The following LAMA3 variants were observed in gnomAD, a reference collection of about 807,000 sequenced individuals.
LAMA3 encodes laminin subunit alpha-3.
Under a neutral mutation model 402.0 loss-of-function variants are expected in LAMA3, and 281 were observed. That is an observed-to-expected ratio of 0.70 (90% CI 0.63 to 0.77). The LOEUF (loss-of-function observed/expected upper bound fraction) is 0.77. Among genes scored for constraint, LAMA3 ranks in the 30% least tolerant of loss-of-function variants. The pLI, the probability that LAMA3 is intolerant of heterozygous loss-of-function variation, is 0.00. For synonymous variants in LAMA3, 1,431 were observed against 1,558.4 expected (o/e 0.92, Z 1.93); for missense variants, 3,840 against 4,215.5 (o/e 0.91, Z 2.47).
chr18:23,858,607 T>G, intron 33 of LAMA3, 82 bp from the exon 34 acceptor site: 1 of 1,218,056 alleles, frequency 8.2e-7, no homozygotes, highest in Non-Finnish European at 1.2e-6. Context: ...CTTGTGTTGG[T>G]ATTTAATTTG....
chr18:23,720,057 C>T (rs1199550470), intron 2 of LAMA3, among the ~76,000 whole-genome samples: 1 of 152,202 alleles, frequency 6.6e-6, no homozygotes, highest in Non-Finnish European at 1.5e-5. Context: ...CAGTGTTTAG[C>T]ATACAATAGT....
At chr18:23,807,067 C>T (rs762440895) in intron 12 of LAMA3, among the ~76,000 whole-genome samples, 65 of 152,174 alleles carry the variant, frequency 4.3e-4, no homozygotes, top group Non-Finnish European at 6.5e-4. Flanking sequence ...CACATCACAC[C>T]GATGACTATC....
At chr18:23,850,899 G>A (rs7236271) in intron 32 of LAMA3, among the ~76,000 whole-genome samples, 24,160 of 152,200 alleles carry the variant, frequency 0.16, 4,280 homozygotes, top group African/African-American at 0.43. Flanking sequence ...TTTTCAGATT[G>A]ATCAAAGGAG....
chr18:23,868,740 A>G (rs1274324244), intron 37 of LAMA3, among the ~76,000 whole-genome samples: 1 of 152,250 alleles, frequency 6.6e-6, no homozygotes, highest in Non-Finnish European at 1.5e-5. Context: ...GAATGAATAG[A>G]AAAGCTATGA....
chr18:23,873,799 T>A (rs2064613425), intron 38 of LAMA3, among the ~76,000 whole-genome samples: 1 of 152,226 alleles, frequency 6.6e-6, no homozygotes, highest in African/African-American at 2.4e-5. Flanking sequence ...ATATTATCAT[T>A]TGTATATAAT....
At chr18:23,715,287 A>T (rs2061077404) in intron 2 of LAMA3, among the ~76,000 whole-genome samples, 1 of 146,892 alleles carries the variant, frequency 6.8e-6, no homozygotes. Flanking sequence ...TAAAACTGTT[A>T]AAAAAAAAAG....
At chr18:23,710,958 C>CT (rs2060979221) in intron 1 of LAMA3, among the ~76,000 whole-genome samples, 1 of 152,030 alleles carries the variant, frequency 6.6e-6, no homozygotes, top group Non-Finnish European at 1.5e-5. Flanking sequence ...CTTGTGGACT[C>CT]TTTGTTAGAA....
At chr18:23,813,553 C>CTTTTTTTTTTTTTTTT (rs1164123647) in intron 14 of LAMA3, among the ~76,000 whole-genome samples, 21 of 115,012 alleles carry the variant, frequency 1.8e-4, no homozygotes, top group South Asian at 6.1e-4. Flanking sequence ...TCTTTTCTTT[C>CTTTTTTTTTTTTTTTT]TTTTTTTTTT....
intron 24 of LAMA3, chr18:23,834,782 G>A (rs905981382): frequency 6.6e-6 from 1 of 152,210 alleles, no homozygotes; most frequent in African/African-American, 2.4e-5. Context: ...ATGACCTGAA[G>A]CAATGGACAT....
chr18:23,735,469 C>T (rs2061458424), intron 2 of LAMA3, among the ~76,000 whole-genome samples: 1 of 152,060 alleles, frequency 6.6e-6, no homozygotes, highest in Non-Finnish European at 1.5e-5. Context: ...GTGAGCTGTG[C>T]CTGTCTCTTG....
intron 8 of LAMA3, among the ~76,000 whole-genome samples, chr18:23,766,804 A>AC (rs1263624817): frequency 6.6e-6 from 1 of 151,820 alleles, no homozygotes; most frequent in Non-Finnish European, 1.5e-5. Context: ...ATGCCTCTAC[A>AC]CTCCAGCTTG....
intron 2 of LAMA3, among the ~76,000 whole-genome samples, chr18:23,720,766 T>G (rs951685212): frequency 1.3e-5 from 2 of 152,210 alleles, no homozygotes; most frequent in African/African-American, 4.8e-5. Context: ...TATTATCCTT[T>G]ATGGTCCTTT....
intron 12 of LAMA3, among the ~76,000 whole-genome samples, chr18:23,809,730 A>G (rs945847967): frequency 2.6e-4 from 39 of 152,126 alleles, no homozygotes; most frequent in Non-Finnish European, 4.7e-4. Flanking sequence ...GGAAACTAGG[A>G]TGCCTTTCCC....
chr18:23,949,026 G>A (rs560077842), intron 70 of LAMA3, among the ~76,000 whole-genome samples: 19 of 152,278 alleles, frequency 1.2e-4, no homozygotes, highest in African/African-American at 4.6e-4. Flanking sequence ...GTCCTCCCCA[G>A]GAAAATGCAC....
At chr18:23,949,199 G>A (rs1054463934) in intron 70 of LAMA3, among the ~76,000 whole-genome samples, 2 of 152,218 alleles carry the variant, frequency 1.3e-5, no homozygotes, top group African/African-American at 4.8e-5. Flanking sequence ...TAACTCTGCA[G>A]CATTCGTGAC....
Position 23,777,538 on chromosome 18 carries a change from T to A in LAMA3, c.1406-19T>A. The stretch of plus-strand genomic sequence containing the variant: ...CTCCTTAATCATCCTCTGTATTTTT[T>A]AATAAACTATTTTTACAGGAATTCC... On this transcript the variant is annotated intron_variant, in intron 10 of 74. Coordinates refer to ENST00000313654, the MANE Select transcript of LAMA3 (RefSeq NM_198129.4). The A allele has an allele frequency of 6.5e-7, 1 of 1,541,866 alleles. No individual in the cohort carries two copies. The highest frequency in any genetic ancestry group is 9.0e-7 in the Non-Finnish European group (1 of 1,114,036).
At chr18:23,787,944 C>G (rs1338998918) in intron 12 of LAMA3, among the ~76,000 whole-genome samples, 1 of 152,002 alleles carries the variant, frequency 6.6e-6, no homozygotes, top group Non-Finnish European at 1.5e-5. Context: ...CTGATTTTAA[C>G]AGAAAGTATA....
chr18:23,739,099 C>T (rs1207288220), intron 2 of LAMA3, among the ~76,000 whole-genome samples: 1 of 152,206 alleles, frequency 6.6e-6, no homozygotes, highest in African/African-American at 2.4e-5. Flanking sequence ...AGAGAGTGGC[C>T]TCCTAATCCT....
At chr18:23,822,106 G>C in intron 19 of LAMA3, 146 bp from the exon 20 acceptor site, 1 of 802,578 alleles carries the variant, frequency 1.2e-6, no homozygotes. Context: ...CTCGGTGCTC[G>C]TTGACTGAGT....
Sources: allele counts gnomAD v4.1 joint callset (sites outside exome capture counted in the v4.1 genomes callset), GRCh38; gene constraint gnomAD v4.1.1; transcripts MANE v1.5; gene names NCBI Gene and HGNC (gene_info 2026-07-23, HGNC 2026-07-21).